PSD3: variants seen among roughly 807,000 people sequenced by gnomAD.
PSD3 encodes PH and SEC7 domain-containing protein 3.
Under a neutral mutation model 105.5 loss-of-function variants are expected in PSD3, and 49 were observed. The observed-to-expected ratio is 0.46, with a 90% confidence interval of 0.37 to 0.59. The LOEUF is 0.59. Among genes scored for constraint, PSD3 ranks in the 20% least tolerant of loss-of-function variants. The probability of loss-of-function intolerance (pLI) is 0.00; values close to 1 mark genes in which losing one functional copy is unlikely to be tolerated. For synonymous variants in PSD3, 557 were observed against 457.8 expected, an observed-to-expected ratio of 1.22 and a Z score of -2.77; for missense variants, 1,561 against 1,263.8, an observed-to-expected ratio of 1.24 and a Z score of -3.57.
At chr8:18,576,839 A>G (rs991923688) in intron 12 of PSD3, among the ~76,000 whole-genome samples, 2 of 151,758 alleles carry the variant, frequency 1.3e-5, no homozygotes, top group African/African-American at 2.4e-5. Flanking sequence ...ATCCCCTAAC[A>G]CACCTAATGA....
chr8:19,061,553 A>C (rs1000502557), intron 1 of PSD3, among the ~76,000 whole-genome samples: 1 of 152,128 alleles, frequency 6.6e-6, no homozygotes, highest in Non-Finnish European at 1.5e-5. Flanking sequence ...CACGCCTGTA[A>C]TCCCAGCACT....
At chr8:18,603,136 C>T (rs1042184859) in intron 11 of PSD3, among the ~76,000 whole-genome samples, 3 of 152,182 alleles carry the variant, frequency 2.0e-5, no homozygotes, top group African/African-American at 7.2e-5. Context: ...TTAAAAGACA[C>T]CATTTTACAT....
At chr8:18,711,786 G>T (rs908760535) in intron 9 of PSD3, among the ~76,000 whole-genome samples, 2 of 152,066 alleles carry the variant, frequency 1.3e-5, no homozygotes, top group Non-Finnish European at 2.9e-5. Flanking sequence ...AGACCTGACA[G>T]GTATCTACAG....
At chr8:18,882,593 G>A (rs559497514) in intron 2 of PSD3, among the ~76,000 whole-genome samples, 4 of 152,234 alleles carry the variant, frequency 2.6e-5, no homozygotes, top group African/African-American at 9.6e-5. Context: ...CTAGAATTCA[G>A]CATGATCCTA....
chr8:18,850,361 A>G (rs7833787), intron 4 of PSD3, among the ~76,000 whole-genome samples: 67,784 of 152,102 alleles, frequency 0.45, 15,657 homozygotes, highest in Admixed American at 0.52. Flanking sequence ...CACAGCTCCT[A>G]TAACAATGGA....
At chr8:18,982,911 A>G (rs980772796) in intron 1 of PSD3, among the ~76,000 whole-genome samples, 3 of 152,204 alleles carry the variant, frequency 2.0e-5, no homozygotes, top group Admixed American at 6.5e-5. Flanking sequence ...TTAGCCCCTA[A>G]CAAGAGTCAG....
At chr8:18,579,092 A>T (rs1426443263) in intron 12 of PSD3, among the ~76,000 whole-genome samples, 1 of 121,280 alleles carries the variant, frequency 8.2e-6, no homozygotes, top group Non-Finnish European at 1.7e-5. Flanking sequence ...ATAAAGCTCC[A>T]AGTCCACACA....
At chr8:18,767,513 C>T (rs946618719) in intron 8 of PSD3, among the ~76,000 whole-genome samples, 1 of 152,002 alleles carries the variant, frequency 6.6e-6, no homozygotes. Flanking sequence ...TTTCGGAGGC[C>T]GAGGCAGGTA....
At chr8:19,077,410 C>A (rs906777261) in intron 1 of PSD3, among the ~76,000 whole-genome samples, 1 of 151,986 alleles carries the variant, frequency 6.6e-6, no homozygotes, top group African/African-American at 2.4e-5. Flanking sequence ...GAAATATGCA[C>A]AACATGAAGG....
intron 4 of PSD3, among the ~76,000 whole-genome samples, chr8:18,822,930 C>G (rs1391209092): frequency 1.3e-5 from 2 of 152,170 alleles, no homozygotes; most frequent in Non-Finnish European, 2.9e-5. Context: ...CACTACCTCA[C>G]TCCCATCCAG....
At chr8:18,899,119 A>G (rs151017542) in intron 2 of PSD3, among the ~76,000 whole-genome samples, 92 of 152,282 alleles carry the variant, frequency 6.0e-4, no homozygotes, top group African/African-American at 2.1e-3. Flanking sequence ...TTTGTTTTCT[A>G]GAACTGCTTC....
intron 1 of PSD3, among the ~76,000 whole-genome samples, chr8:18,945,870 A>G (rs1040535202): frequency 2.1e-4 from 32 of 152,122 alleles, no homozygotes; most frequent in Non-Finnish European, 2.8e-4. Context: ...AGCTCTCAGG[A>G]GGCTGAGACA....
At chr8:18,679,034 T>C (rs56155093) in intron 9 of PSD3, among the ~76,000 whole-genome samples, 119,753 of 150,206 alleles carry the variant, frequency 0.8, 51,743 homozygotes, top group Non-Finnish European at 0.97. Flanking sequence ...GTAAAGACAT[T>C]TGCAAGAAAA....
intron 1 of PSD3, among the ~76,000 whole-genome samples, chr8:19,077,252 T>C (rs1212271110): frequency 1.3e-5 from 2 of 152,244 alleles, no homozygotes; most frequent in Admixed American, 6.5e-5. Context: ...TCCAATGATA[T>C]AACATTGTAA....
chr8:18,833,753 A>C (rs1369246810), intron 4 of PSD3, among the ~76,000 whole-genome samples: 1 of 152,220 alleles, frequency 6.6e-6, no homozygotes, highest in Admixed American at 6.5e-5. Context: ...CTCATTTTAA[A>C]AGATCTAGCA....
At chr8:18,710,263 C>G (rs957325733) in intron 9 of PSD3, among the ~76,000 whole-genome samples, 1 of 151,950 alleles carries the variant, frequency 6.6e-6, no homozygotes, top group Non-Finnish European at 1.5e-5. Context: ...GACTATGTTG[C>G]TGAAGTAAGA....
chr8:18,697,269 T>A (rs952717118), intron 9 of PSD3, among the ~76,000 whole-genome samples: 2 of 152,094 alleles, frequency 1.3e-5, no homozygotes, highest in Admixed American at 1.3e-4. Context: ...ATACTGGGTA[T>A]CACAGGCAAG....
At chr8:18,885,004 G>A (rs1239173839) in intron 2 of PSD3, among the ~76,000 whole-genome samples, 1 of 152,184 alleles carries the variant, frequency 6.6e-6, no homozygotes, top group African/African-American at 2.4e-5. Flanking sequence ...ACACTAAGCT[G>A]TAAGAGCTGA....
chr8:18,596,774 C>T (rs566226044), intron 12 of PSD3, among the ~76,000 whole-genome samples: 6 of 152,074 alleles, frequency 3.9e-5, no homozygotes, highest in Middle Eastern at 3.4e-3. Flanking sequence ...AGATGAATTA[C>T]GGAGAGGTAG....
Sources: gnomAD v4.1 joint callset for allele counts (sites outside exome capture counted in the v4.1 genomes callset) on GRCh38, gnomAD v4.1.1 for gene constraint, MANE v1.5 for transcripts, NCBI Gene and HGNC (gene_info 2026-07-23, HGNC 2026-07-21) for gene names.